MACROD2: variants seen among roughly 807,000 people sequenced by gnomAD.
The protein encoded by MACROD2 is ADP-ribose glycohydrolase MACROD2.
A neutral mutation model predicts 70.4 loss-of-function variants in MACROD2; 36 were observed. That is an observed-to-expected ratio of 0.51 (90% CI 0.39 to 0.68). The LOEUF is 0.68. Ranked by LOEUF, MACROD2 falls within the 30% of genes least tolerant of loss-of-function variation. The pLI, the probability that MACROD2 is intolerant of heterozygous loss-of-function variation, is 0.00. For synonymous variants in MACROD2, 172 were observed against 178.8 expected (o/e 0.96, Z 0.30); for missense variants, 496 against 538.4 (o/e 0.92, Z 0.78).
At chr20:14,480,689 G>A (rs965728734) in intron 3 of MACROD2, among the ~76,000 whole-genome samples, 1 of 152,074 alleles carries the variant, frequency 6.6e-6, no homozygotes, top group African/African-American at 2.4e-5. Context: ...TGGCCTGATG[G>A]AACTGTAATA....
Position 15,987,128 on chromosome 20 carries a change from G to A in MACROD2, c.1123G>A (p.Glu375Lys). Residue 375 changes from glutamate (E) to lysine (K), a missense_variant, in exon 15 of 18, where the codon GAG becomes AAG. By Grantham distance (56) the Glu-to-Lys change is moderately conservative. Transcript: ENST00000684519. ...GCAACCAGAAGTGATTCCATTAACAGAGGACCAAGAAGAAAAAGAAGGTGA... is the reference window on the plus strand; with the variant it reads ...GCAACCAGAAGTGATTCCATTAACAAAGGACCAAGAAGAAAAAGAAGGTGA... ...VEQPEVIPLT[E>K]DQEEKEGEKA... The A allele has an allele frequency of 5.6e-6, 9 of 1,611,476 alleles. No homozygotes were observed. Among genetic ancestry groups the A allele is most frequent in the Non-Finnish European group, 7.6e-6 (9 of 1,179,466 alleles).
intron 3 of MACROD2, among the ~76,000 whole-genome samples, chr20:14,164,205 G>A (rs1423187361): frequency 1.3e-5 from 2 of 151,930 alleles, no homozygotes; most frequent in Admixed American, 1.3e-4. Flanking sequence ...TAATTTCTTT[G>A]GCGCTAAACA....
intron 17 of MACROD2, among the ~76,000 whole-genome samples, chr20:16,047,852 C>G (rs879340860): frequency 6.6e-6 from 1 of 152,152 alleles, no homozygotes; most frequent in Non-Finnish European, 1.5e-5. Flanking sequence ...GGACCTTGAA[C>G]CATTCAACGT....
At chr20:14,230,092 TAC>T (rs2081787347) in intron 3 of MACROD2, among the ~76,000 whole-genome samples, 2 of 152,232 alleles carry the variant, frequency 1.3e-5, no homozygotes, top group South Asian at 2.1e-4. Flanking sequence ...TTCAGTGAGT[TAC>T]AGTCTTTTTG....
In MACROD2 at chr20:15,324,115, C is replaced by A. The variant is rs550942002; in HGVS notation, c.540+94054C>A. 2.0e-5 allele frequency among the ~76,000 whole-genome samples: 3 copies of A among 152,008 alleles called. No homozygotes were observed. The East Asian group carries it at 5.8e-4, about 29-fold the overall frequency. On this transcript the variant is annotated intron_variant, in intron 6 of 17. Coordinates refer to ENST00000684519, the MANE Select transcript of MACROD2 (RefSeq NM_001351661.2). ...TTTTTAATTTTAGTTTGGTTTAATT[C>A]CTCTAAAGTAACATCAAGCAATGTG... is the stretch of plus-strand genomic sequence containing the variant.
intron 5 of MACROD2, among the ~76,000 whole-genome samples, chr20:15,213,249 G>A (rs1209211316): frequency 6.6e-6 from 1 of 152,078 alleles, no homozygotes; most frequent in African/African-American, 2.4e-5. Flanking sequence ...GTGCAGGGAG[G>A]TTCAAGGAGA....
At chr20:14,817,809 C>T (rs948782648) in intron 5 of MACROD2, among the ~76,000 whole-genome samples, 2 of 152,140 alleles carry the variant, frequency 1.3e-5, no homozygotes, top group South Asian at 2.1e-4. Context: ...CAGTCACTGG[C>T]TGAGTGTCAC....
rs963835111 is a variant in MACROD2 at position 15,060,100 on chromosome 20, G to A, written c.419-169840G>A. Among the ~76,000 whole-genome samples the A allele has an allele frequency of 3.3e-5, 5 of 152,284 alleles. No individual in the cohort carries two copies. In the South Asian group the frequency reaches 8.3e-4, roughly 25 times the overall value. ...TACAAAATGCCATTTGATAGCATTC[G>A]TGTTACACCCTTGGGAAGGAGATTG... On this transcript the variant is annotated intron_variant, in intron 5 of 17. Coordinates refer to ENST00000684519, the MANE Select transcript of MACROD2 (RefSeq NM_001351661.2).
chr20:15,709,810 T>C (rs1411898823), intron 8 of MACROD2, among the ~76,000 whole-genome samples: 1 of 152,198 alleles, frequency 6.6e-6, no homozygotes, highest in Non-Finnish European at 1.5e-5. Context: ...AAATCCTCTC[T>C]TCTAGCTATT....
intron 5 of MACROD2, among the ~76,000 whole-genome samples, chr20:14,818,214 G>A (rs535546534): frequency 1.6e-4 from 24 of 152,204 alleles, no homozygotes; most frequent in African/African-American, 5.3e-4. Flanking sequence ...CCATCATTGA[G>A]GTCCGCACAG....
At chr20:14,192,460 A>C (rs368944139) in intron 3 of MACROD2, among the ~76,000 whole-genome samples, 19 of 152,244 alleles carry the variant, frequency 1.2e-4, no homozygotes, top group African/African-American at 4.1e-4. Flanking sequence ...GTATCTTAGG[A>C]TATATTAGCA....
intron 8 of MACROD2, among the ~76,000 whole-genome samples, chr20:15,540,373 G>A (rs962448462): frequency 4.6e-5 from 7 of 152,182 alleles, no homozygotes; most frequent in African/African-American, 7.2e-5. Context: ...AGCTGACCCC[G>A]GCCATCGTGT....
intron 8 of MACROD2, among the ~76,000 whole-genome samples, chr20:15,631,638 G>T (rs2049292182): frequency 6.6e-6 from 1 of 152,164 alleles, no homozygotes; most frequent in Non-Finnish European, 1.5e-5. Context: ...CATGTCTGGA[G>T]GGACAGGGCT....
chr20:15,424,317 A>G (rs1451279265), intron 6 of MACROD2, among the ~76,000 whole-genome samples: 1 of 152,240 alleles, frequency 6.6e-6, no homozygotes, highest in Non-Finnish European at 1.5e-5. Context: ...AATATCTTTC[A>G]TACTCCTAGA....
At position 14,857,141 on chromosome 20, in the gene MACROD2, A is replaced by T. The variant is rs2073263362; in HGVS notation, c.418+172182A>T. Among the ~76,000 whole-genome samples, 5 of 152,238 alleles carry T rather than the reference A, an allele frequency of 3.3e-5. No homozygotes were observed. The South Asian group carries it at 1.0e-3, about 32-fold the overall frequency. ...ATCTCCTCTGCTCCCCAATCCCATA[A>T]ACCGTTATCCCTATTCTCTCTCTGT... On this transcript the variant is annotated intron_variant, in intron 5 of 17. Transcript: ENST00000684519.
At chr20:15,253,802 T>A (rs935629138) in intron 6 of MACROD2, among the ~76,000 whole-genome samples, 5 of 152,210 alleles carry the variant, frequency 3.3e-5, no homozygotes, top group African/African-American at 1.2e-4. Flanking sequence ...CTATTCACCA[T>A]AATGAGAATT....
intron 5 of MACROD2, among the ~76,000 whole-genome samples, chr20:14,976,792 G>C (rs58783016): frequency 6.6e-6 from 1 of 152,058 alleles, no homozygotes; most frequent in Non-Finnish European, 1.5e-5. Flanking sequence ...CCATTTCCTC[G>C]TGTGTAAAAT....
chr20:16,002,629 G>C (rs571038376), intron 15 of MACROD2, among the ~76,000 whole-genome samples: 112 of 152,264 alleles, frequency 7.4e-4, no homozygotes, highest in African/African-American at 2.6e-3. Flanking sequence ...TCTAGAAACC[G>C]TAGTAGGTAA....
intron 15 of MACROD2, among the ~76,000 whole-genome samples, chr20:16,036,283 C>CA (rs1303313924): frequency 4.6e-5 from 3 of 64,798 alleles, no homozygotes; most frequent in Admixed American, 1.9e-4. Context: ...GAGGACTCCT[C>CA]CCCCGGCCAG....
Sources: gnomAD v4.1 joint callset for allele counts (sites outside exome capture counted in the v4.1 genomes callset) on GRCh38, gnomAD v4.1.1 for gene constraint, MANE v1.5 for transcripts, NCBI Gene and HGNC (gene_info 2026-07-23, HGNC 2026-07-21) for gene names.